Variants in CHD8 observed in about 807,000 individuals in gnomAD.
CHD8 encodes chromodomain helicase DNA binding protein 8, also known as ATP-dependent chromatin remodeler CHD8.
CHD8 carries 31 observed loss-of-function variants against 279.2 expected under a neutral mutation model. The observed-to-expected ratio is 0.11, with a 90% CI of 0.08 to 0.15. CHD8 has a LOEUF of 0.15. CHD8 is among the 10% of genes least tolerant of loss of function. CHD8 has a pLI of 1.00. For missense variants in CHD8, 2,146 were observed against 3,230.5 expected, an observed-to-expected ratio of 0.66 and a Z score of 8.14; for synonymous variants, 1,081 against 1,139.6, an observed-to-expected ratio of 0.95 and a Z score of 1.04.
At chr14:21,404,014 G>A (rs1447587003) in intron 16 of CHD8, among the ~76,000 whole-genome samples, 3 of 151,920 alleles carry the variant, frequency 2.0e-5, no homozygotes, top group East Asian at 1.9e-4. Flanking sequence ...CAGGAGAATC[G>A]CTTGAATTCG....
chr14:21,405,526 T>C lies in CHD8; in HGVS notation c.3052-62A>G, dbSNP rs184278658. ...GATGAGGGCGAACATTCTCACATTA[T>C]GTAGAAACATGGAAAAATTAGAGTT... On this transcript the variant is annotated intron_variant, in intron 15 of 37. Coordinates refer to ENST00000646647, the MANE Select transcript of CHD8 (RefSeq NM_001170629.2). The surrounding 1 kb of genome is among the most constrained non-coding windows in gnomAD (Gnocchi z 4.2). 123 of 1,554,742 alleles carry C rather than the reference T, an allele frequency of 7.9e-5. 1 individual carries two copies. The East Asian group carries it at 2.6e-3, about 32-fold the overall frequency.
At chr14:21,454,204 AAAGAAAAG>A (rs1691661550) in intron 1 of CHD8, among the ~76,000 whole-genome samples, 2 of 146,368 alleles carry the variant, frequency 1.4e-5, no homozygotes, top group Admixed American at 6.7e-5. Flanking sequence ...AAAGAAAAGA[AAAGAAAAG>A]AAAAGAAAAC....
At chr14:21,397,728 A>T in intron 27 of CHD8, 95 bp downstream of exon 27, 1 of 1,298,304 alleles carries the variant, frequency 7.7e-7, no homozygotes, top group East Asian at 2.4e-5. Flanking sequence ...ACTTTTGAGT[A>T]TAATTACAAT....
intron 37 of CHD8, among the ~76,000 whole-genome samples, 166 bp downstream of exon 37, chr14:21,390,781 A>C (rs1206335391): frequency 1.3e-5 from 2 of 152,030 alleles, no homozygotes; most frequent in Non-Finnish European, 2.9e-5. Context: ...AAAAAAAAAA[A>C]AAACCCCAGA....
chr14:21,444,927 C>T (rs1238946298), intron 1 of CHD8, among the ~76,000 whole-genome samples: 1 of 152,150 alleles, frequency 6.6e-6, no homozygotes, highest in Non-Finnish European at 1.5e-5. Flanking sequence ...CTGTATATCT[C>T]CCTGCTTAAT....
At chr14:21,426,428 A>G in intron 4 of CHD8, 186 bp from the exon 5 acceptor site, 1 of 567,012 alleles carries the variant, frequency 1.8e-6, no homozygotes, top group Non-Finnish European at 3.1e-6. Context: ...TTTGTAAACC[A>G]CTGACTGACC....
intron 1 of CHD8, among the ~76,000 whole-genome samples, chr14:21,437,995 C>G (rs1417642345): frequency 1.3e-5 from 2 of 152,142 alleles, no homozygotes. Context: ...TGAAATCACT[C>G]TAATTCCCAG....
Position 21,428,140 on chromosome 14 carries a change from T to C in CHD8, c.1330A>G (p.Thr444Ala), listed in dbSNP as rs1466530396. 2 of 1,614,056 alleles carry C rather than the reference T, an allele frequency of 1.2e-6. No homozygotes were observed. The highest frequency in any genetic ancestry group is 1.7e-6 in the Non-Finnish European group (2 of 1,179,906). ...AATCTGCGGTTTTCCTCCATTCCTG[T>C]CTTTCCCCCCGAATGAGGAGCAGAG... ...ASSAPHSGGK[T>A]GMEENRRLEH... Residue 444 changes from threonine (T) to alanine (A), a missense_variant, in exon 4 of 38, where the codon ACA (threonine) becomes GCA (alanine). Thr to Ala is a moderately conservative substitution (Grantham distance 58). Coordinates refer to ENST00000646647, the MANE Select transcript of CHD8 (RefSeq NM_001170629.2).
intron 1 of CHD8, 107 bp downstream of exon 1, chr14:21,455,925 G>C (rs113488794): frequency 6.5e-6 from 1 of 153,910 alleles, no homozygotes; most frequent in Non-Finnish European, 1.4e-5. Context: ...GCGAGCAGGG[G>C]GTGGAAGAGA....
chr14:21,414,652 C>T (rs896948049), intron 8 of CHD8: 9 of 592,936 alleles, frequency 1.5e-5, no homozygotes, highest in African/African-American at 1.5e-4. Flanking sequence ...TTCTGCTGAT[C>T]CATGGGCCAT....
In CHD8 at chr14:21,430,849, TGTG is replaced by T; in HGVS notation, c.792_794del (p.Thr265del). On this transcript the variant is annotated inframe_deletion, in exon 2 of 38. Transcript: ENST00000646647. ...TAACTGCAGGCTTCAGTGGGGGCCC[TGTG>T]GCCCCAGGGTTTCCAGCAGGAGCTG... is the stretch of plus-strand genomic sequence containing the variant. 1 of 1,599,262 alleles carries T rather than the reference TGTG, an allele frequency of 6.3e-7. No homozygotes were observed. Among genetic ancestry groups the T allele is most frequent in the Non-Finnish European group, 8.5e-7 (1 of 1,179,616 alleles).
intron 1 of CHD8, among the ~76,000 whole-genome samples, chr14:21,447,361 G>A: frequency 6.6e-6 from 1 of 151,354 alleles, no homozygotes; most frequent in Admixed American, 6.6e-5. Flanking sequence ...GTGAACGGAT[G>A]ACACTATATC....
Position 21,400,361 on chromosome 14 carries a change from A to G in CHD8, c.4570+52T>C. ...GATTGAGAAAAACCCTTGGACCTGA[A>G]AAGGATTAGATTAACCTATAGAAAA... On this transcript the variant is annotated intron_variant, in intron 23 of 37. Transcript: ENST00000646647. The surrounding 1 kb of genome is among the most constrained non-coding windows in gnomAD (Gnocchi z 4.2). The G allele has an allele frequency of 6.2e-7, 1 of 1,608,482 alleles. No homozygotes were observed. The highest frequency in any genetic ancestry group is 8.5e-7 in the Non-Finnish European group (1 of 1,178,070).
chr14:21,395,356 GAGA>G lies in CHD8; in HGVS notation c.5128-7_5128-5del. On this transcript the variant is annotated splice_region_variant and splice_polypyrimidine_tract_variant and intron_variant, in intron 28 of 37. Coordinates refer to ENST00000646647, the MANE Select transcript of CHD8 (RefSeq NM_001170629.2). ...CCATCATCATCAAGGGATCACCCTA[GAGA>G]AGGAGATCCACCCAATAGGATGGAG... 1.9e-6 allele frequency: 3 copies of G among 1,599,786 alleles called. No individual in the cohort carries two copies. Among genetic ancestry groups the G allele is most frequent in the Non-Finnish European group, 2.6e-6 (3 of 1,171,126 alleles).
chr14:21,407,087 GC>G, intron 13 of CHD8, 55 bp from the exon 14 acceptor site: 1 of 1,425,378 alleles, frequency 7.0e-7, no homozygotes, highest in Non-Finnish European at 9.4e-7. Context: ...TAAATGAGGA[GC>G]TTTTCTGAAT....
intron 37 of CHD8, 64 bp from the exon 38 acceptor site, chr14:21,386,240 CCAA>C (rs1887227096): frequency 7.0e-7 from 1 of 1,422,100 alleles, no homozygotes; most frequent in Non-Finnish European, 9.5e-7. Flanking sequence ...GAAACCAAAG[CCAA>C]CAGAGTCCTA....
chr14:21,393,898 T>C lies in CHD8; in HGVS notation c.5897A>G (p.Gln1966Arg). The C allele has an allele frequency of 6.2e-7, 1 of 1,614,014 alleles. No homozygotes were observed. Among genetic ancestry groups the C allele is most frequent in the Non-Finnish European group, 8.5e-7 (1 of 1,179,900 alleles). The part of the protein sequence containing the change: ...SFLAARMNYM[Q>R]NHQAGAPAPS... The stretch of plus-strand genomic sequence containing the variant: ...AGCTGGTGCTCCTGCTTGATGGTTC[T>C]GCATATAATTCATACGGGCAGCCAG... The change falls in exon 32 of 38, where the codon CAG becomes CGG. Residue 1966 changes from glutamine to arginine, a missense_variant. By Grantham distance (43) the Gln-to-Arg change is conservative (BLOSUM62 1). Coordinates refer to ENST00000646647, the MANE Select transcript of CHD8 (RefSeq NM_001170629.2).
Position 21,415,034 on chromosome 14 carries a change from G to T in CHD8, c.1969-41C>A. 3.7e-6 allele frequency: 5 copies of T among 1,351,132 alleles called. No individual in the cohort carries two copies. In the South Asian group the frequency reaches 6.3e-5, roughly 17 times the overall value. The allele number at this position is 1,351,132 out of a possible 1,614,324, so 83.7% of individuals were successfully genotyped here. A position where few individuals can be genotyped will look rare whatever the true frequency, so the allele number is the denominator to read the frequency against. On this transcript the variant is annotated intron_variant, in intron 7 of 37. Coordinates refer to ENST00000646647, the MANE Select transcript of CHD8 (RefSeq NM_001170629.2). ...TAAATTAGTCACTAGTCCCTTATTT[G>T]TAAAAGAATGAACTTTTTAATTTTA...
In CHD8 at chr14:21,387,614, GACA is replaced by G. The variant is rs909130212; in HGVS notation, c.7183-1441_7183-1439del. ...ACGGCATTGTACTCCATCCAGCCTG[GACA>G]ACAAGAGTGAAACTCTGTATCAAAA... On this transcript the variant is annotated intron_variant, in intron 37 of 37. Coordinates refer to ENST00000646647, the MANE Select transcript of CHD8 (RefSeq NM_001170629.2). Among the ~76,000 whole-genome samples, 19 of 135,840 alleles carry G rather than the reference GACA, an allele frequency of 1.4e-4. 1 individual carries two copies. Among genetic ancestry groups the G allele is most frequent in the African/African-American group, 3.9e-4 (14 of 36,064 alleles). The allele number at this position is 135,840 out of a possible 152,430, so 89.1% of individuals were successfully genotyped here.
Sources: gnomAD v4.1 joint callset for allele counts (sites outside exome capture counted in the v4.1 genomes callset) on GRCh38, gnomAD v4.1.1 for gene constraint, Gnocchi (gnomAD v3.1) non-coding constraint, MANE v1.5 for transcripts, NCBI Gene and HGNC (gene_info 2026-07-23, HGNC 2026-07-21) for gene names.